Variants in AMDHD2 observed in about 807,000 individuals in gnomAD.
The protein encoded by AMDHD2 is amidohydrolase domain containing 2, also known as N-acetylglucosamine-6-phosphate deacetylase.
AMDHD2 carries 24 observed loss-of-function variants against 41.8 expected under a neutral mutation model. The observed-to-expected ratio is 0.57, with a 90% CI of 0.42 to 0.81. AMDHD2 has a LOEUF of 0.81. AMDHD2 is among the 30% of genes least tolerant of loss of function. The pLI, the probability that AMDHD2 is intolerant of heterozygous loss-of-function variation, is 0.00. For missense variants in AMDHD2, 540 were observed against 588.5 expected (o/e 0.92, Z 0.85); for synonymous variants, 332 against 255.5 (o/e 1.30, Z -2.85).
At chr16:2,528,034 G>A in intron 5 of AMDHD2, 26 bp from the exon 6 acceptor site, 1 of 1,611,818 alleles carries the variant, frequency 6.2e-7, no homozygotes, top group Non-Finnish European at 8.5e-7. Context: ...TGGGCCAGGT[G>A]CAAAGTCTGA....
In AMDHD2 at chr16:2,530,489, CAGGGA is replaced by C. The variant is rs764657664; in HGVS notation, c.*927_*931del. ...GGACAGCCACAGTGGGGTCAGACGT[CAGGGA>C]TTGGTGCAGCCCCACGTCAGGGGTG... On this transcript the variant is annotated 3_prime_UTR_variant, in exon 11 of 11. Transcript: ENST00000293971. 4 of 1,614,000 alleles carry C rather than the reference CAGGGA, an allele frequency of 2.5e-6. No homozygotes were observed. Among genetic ancestry groups the C allele is most frequent in the Non-Finnish European group, 1.7e-6 (2 of 1,179,992 alleles).
In AMDHD2 at chr16:2,527,437, G is replaced by C; in HGVS notation, c.361-124G>C. 1.9e-6 allele frequency: 2 copies of C among 1,026,770 alleles called. No individual in the cohort carries two copies. Among genetic ancestry groups the C allele is most frequent in the Non-Finnish European group, 2.9e-6 (2 of 685,658 alleles). The allele number at this position is 1,026,770 out of a possible 1,614,324, so 63.6% of individuals were successfully genotyped here. A position where few individuals can be genotyped will look rare whatever the true frequency, so the allele number is the denominator to read the frequency against. The stretch of plus-strand genomic sequence containing the variant: ...TTTCCCTGACCCCTGTGAGGGGACA[G>C]GCGGCCGGGGCTGGGCTGGGTGCTG... On this transcript the variant is annotated intron_variant, in intron 3 of 10. Transcript: ENST00000293971. This position sits in a 1 kb window ranked among gnomAD's most constrained non-coding sequence, Gnocchi z 6.1.
intron 10 of AMDHD2, 182 bp from the exon 11 acceptor site, chr16:2,529,293 G>A: frequency 9.0e-7 from 1 of 1,113,018 alleles, no homozygotes; most frequent in Non-Finnish European, 1.3e-6. Flanking sequence ...ACAAGGCCAG[G>A]CAAGGGGTTG....
At position 2,530,271 on chromosome 16, in the gene AMDHD2, G is replaced by A. The variant is rs551703522; in HGVS notation, c.*708G>A. On this transcript the variant is annotated 3_prime_UTR_variant, in exon 11 of 11. Coordinates refer to ENST00000293971, the MANE Select transcript of AMDHD2 (RefSeq NM_001330449.2). ...CACATCCCCAGGCCCAGTGCTTGCC[G>A]GCTGTGGTGACCCTGCCTGGTGCTG... 23 of 1,612,232 alleles carry A rather than the reference G, an allele frequency of 1.4e-5. No homozygotes were observed. The highest frequency in any genetic ancestry group is 1.1e-4 in the East Asian group (5 of 44,842).
intron 9 of AMDHD2, 24 bp from the exon 10 acceptor site, chr16:2,528,970 C>T: frequency 6.4e-7 from 1 of 1,558,522 alleles, no homozygotes; most frequent in Non-Finnish European, 8.7e-7. Context: ...TGGGGACTGT[C>T]ACCTAGCTGT....
rs773534007 is a variant in AMDHD2, at chr16:2,529,695, G to T, written c.*132G>T. 4 of 1,494,030 alleles carry T rather than the reference G, an allele frequency of 2.7e-6. No homozygotes were observed. Among genetic ancestry groups the T allele is most frequent in the Non-Finnish European group, 3.6e-6 (4 of 1,122,814 alleles). 92.5% of individuals were successfully genotyped at this position (1,494,030 alleles called of 1,614,324 possible). A position where few individuals can be genotyped will look rare whatever the true frequency, so the allele number is the denominator to read the frequency against. ...TGCCCAGGGCCTGTGCGGCCGCCCT[G>T]GAGGCGGTGGCTGGGATAAACGTGC... On this transcript the variant is annotated 3_prime_UTR_variant, in exon 11 of 11. Transcript: ENST00000293971.
chr16:2,530,589 G>A lies in AMDHD2; in HGVS notation c.*1026G>A. 1.2e-6 allele frequency: 2 copies of A among 1,614,176 alleles called. No homozygotes were observed. The highest frequency in any genetic ancestry group is 1.7e-6 in the Non-Finnish European group (2 of 1,180,022). On this transcript the variant is annotated 3_prime_UTR_variant, in exon 11 of 11. Transcript: ENST00000293971. Reference sequence around the variant, plus strand: ...CCCTTCCCCCTTGCTTACAGGTGCTGTCCTGGGCACAGGAGGTACGCGCCT... The same window carrying A: ...CCCTTCCCCCTTGCTTACAGGTGCTATCCTGGGCACAGGAGGTACGCGCCT...
rs750936285 is a variant in AMDHD2, at chr16:2,520,880, C to T, written c.195C>T (p.Pro65=). The change falls in exon 2 of 11, where the codon CCC becomes CCT. Residue 65 remains proline (P), a synonymous_variant. Coordinates refer to ENST00000293971, the MANE Select transcript of AMDHD2 (RefSeq NM_001330449.2). ...RRDCGGRILA[P]GFIDVQINGG... ...ACTGCGGGGGCCGCATCTTGGCTCC[C>T]GGATTCATCGACGTGCAGATCAACG... 57 of 1,610,038 alleles carry T rather than the reference C, an allele frequency of 3.5e-5. No individual in the cohort carries two copies. In the Middle Eastern group the frequency reaches 6.6e-4, roughly 19 times the overall value.
Position 2,521,275 on chromosome 16 carries a change from G to A in AMDHD2, c.360+152G>A, listed in dbSNP as rs889236580. The A allele has an allele frequency of 8.3e-6, 9 of 1,089,942 alleles. No individual in the cohort carries two copies. In the South Asian group the frequency reaches 1.1e-4, roughly 13 times the overall value. 67.5% of individuals were successfully genotyped at this position (1,089,942 alleles called of 1,614,324 possible). A position where few individuals can be genotyped will look rare whatever the true frequency, so the allele number is the denominator to read the frequency against. The stretch of plus-strand genomic sequence containing the variant: ...ATGACCGGATCTGGGCCTGGGTCCC[G>A]CCCCTGTGCTTCTTTATCAGTTGTC... On this transcript the variant is annotated intron_variant, in intron 3 of 10. Transcript: ENST00000293971.
intron 3 of AMDHD2, among the ~76,000 whole-genome samples, chr16:2,522,415 G>C (rs2065953140): frequency 6.6e-6 from 1 of 151,032 alleles, no homozygotes; most frequent in South Asian, 2.1e-4. Context: ...GGGCGCGGTG[G>C]CTCACGCCTG....
intron 3 of AMDHD2, among the ~76,000 whole-genome samples, chr16:2,523,324 T>C (rs1358973608): frequency 6.6e-6 from 1 of 152,196 alleles, no homozygotes; most frequent in East Asian, 1.9e-4. Flanking sequence ...ACTTGCGTTA[T>C]ATGCCCAAGG....
chr16:2,520,548 G>T lies in AMDHD2; in HGVS notation c.83+7G>T. 1 of 1,236,250 alleles carries T rather than the reference G, an allele frequency of 8.1e-7. No individual in the cohort carries two copies. The allele number at this position is 1,236,250 out of a possible 1,614,324, so 76.6% of individuals were successfully genotyped here. The stretch of plus-strand genomic sequence containing the variant: ...GCGGAGGGAAACTGCTCAGGTGGGC[G>T]CGGGCCGGGGACTGCGGGGCTGGGG... On this transcript the variant is annotated splice_region_variant and intron_variant, in intron 1 of 10. Transcript: ENST00000293971.
intron 3 of AMDHD2, among the ~76,000 whole-genome samples, chr16:2,523,557 G>T (rs563952466): frequency 1.3e-5 from 2 of 152,096 alleles, no homozygotes; most frequent in Admixed American, 6.5e-5. Context: ...GCTCAGCATC[G>T]TGCGTGAGAT....
At chr16:2,529,211 A>G (rs756819195) in intron 10 of AMDHD2, 116 bp downstream of exon 10, 63 of 1,150,528 alleles carry the variant, frequency 5.5e-5, no homozygotes, top group Non-Finnish European at 6.2e-5. Context: ...CCCTCCTCTC[A>G]GGTGGGCTGC....
rs542669611 is a variant in AMDHD2, at chr16:2,520,866, C to A, written c.181C>A (p.Arg61Ser). The change falls in exon 2 of 11, where the codon CGC (arginine) becomes AGC (serine). Residue 61 changes from arginine to serine, a missense_variant. Coordinates refer to ENST00000293971, the MANE Select transcript of AMDHD2 (RefSeq NM_001330449.2). The stretch of plus-strand genomic sequence containing the variant: ...CGACGAGCGGCGGGACTGCGGGGGC[C>A]GCATCTTGGCTCCCGGATTCATCGA... The part of the protein sequence containing the change: ...VADERRDCGG[R>S]ILAPGFIDVQ... 3 of 1,608,844 alleles carry A rather than the reference C, an allele frequency of 1.9e-6. No homozygotes were observed. The highest frequency in any genetic ancestry group is 2.5e-6 in the Non-Finnish European group (3 of 1,177,662).
At chr16:2,528,196 C>CT in intron 6 of AMDHD2, 40 bp from the exon 7 acceptor site, 1 of 1,612,140 alleles carries the variant, frequency 6.2e-7, no homozygotes, top group Non-Finnish European at 8.5e-7. Context: ...CCAGCAGCCC[C>CT]TGCTGTCGCT....
chr16:2,530,765 G>T lies in AMDHD2; in HGVS notation c.*1202G>T. The T allele has an allele frequency of 6.2e-7, 1 of 1,613,578 alleles. No individual in the cohort carries two copies. Among genetic ancestry groups the T allele is most frequent in the South Asian group, 1.1e-5 (1 of 91,088 alleles). ...CTGGGCAGGGCCTCGCCTGAGGGAGGGCCTGGGGCAGGGCACAAGGGGTTG... is the reference window on the plus strand; with the variant it reads ...CTGGGCAGGGCCTCGCCTGAGGGAGTGCCTGGGGCAGGGCACAAGGGGTTG... On this transcript the variant is annotated 3_prime_UTR_variant, in exon 11 of 11. Transcript: ENST00000293971.
intron 3 of AMDHD2, among the ~76,000 whole-genome samples, chr16:2,522,794 G>T (rs928270326): frequency 3.9e-5 from 6 of 151,934 alleles, no homozygotes; most frequent in Non-Finnish European, 5.9e-5. Context: ...GATTATAGGC[G>T]AGAGCCACTG....
intron 3 of AMDHD2, 108 bp downstream of exon 3, chr16:2,521,231 C>T (rs2065932558): frequency 3.7e-6 from 5 of 1,358,088 alleles, no homozygotes; most frequent in Non-Finnish European, 4.8e-6. Context: ...TTCCATGGTC[C>T]TGAGTCTGGC....
Sources: gnomAD v4.1 joint callset for allele counts (sites outside exome capture counted in the v4.1 genomes callset) on GRCh38, gnomAD v4.1.1 for gene constraint, Gnocchi (gnomAD v3.1) non-coding constraint, MANE v1.5 for transcripts, NCBI Gene and HGNC (gene_info 2026-07-23, HGNC 2026-07-21) for gene names.